Variants in ABLIM3 observed in about 807,000 individuals in gnomAD.
The protein encoded by ABLIM3 is actin-binding LIM protein 3.
In ABLIM3, 61 loss-of-function variants were observed where a neutral mutation model predicts 109.5. The observed-to-expected ratio is 0.56, with a 90% confidence interval of 0.45 to 0.69. ABLIM3 has a LOEUF of 0.69. ABLIM3 is among the 30% of genes least tolerant of loss of function. The pLI is 0.00. For missense variants in ABLIM3, 796 were observed against 889.5 expected, an observed-to-expected ratio of 0.89 and a Z score of 1.34; for synonymous variants, 300 against 324.8, an observed-to-expected ratio of 0.92 and a Z score of 0.82.
chr5:149,188,592 GTCT>G (rs1757194878), intron 3 of ABLIM3, among the ~76,000 whole-genome samples: 1 of 152,204 alleles, frequency 6.6e-6, no homozygotes, highest in African/African-American at 2.4e-5. Context: ...ATCTTGCTGC[GTCT>G]TCGCATGGCA....
At chr5:149,165,016 T>C (rs773548475) in intron 2 of ABLIM3, among the ~76,000 whole-genome samples, 48 of 152,220 alleles carry the variant, frequency 3.2e-4, no homozygotes, top group Non-Finnish European at 5.3e-4. Flanking sequence ...AGGCTTTTTG[T>C]TGGAGGACAC....
intron 3 of ABLIM3, among the ~76,000 whole-genome samples, chr5:149,187,914 T>C (rs1339836052): frequency 6.6e-6 from 1 of 152,258 alleles, no homozygotes; most frequent in Non-Finnish European, 1.5e-5. Flanking sequence ...AGGGGCCACG[T>C]GCCTCAGGGA....
chr5:149,172,656 G>A (rs928429980), intron 2 of ABLIM3, among the ~76,000 whole-genome samples: 1 of 152,178 alleles, frequency 6.6e-6, no homozygotes, highest in Non-Finnish European at 1.5e-5. Context: ...CCCACAGATA[G>A]GCCTCCTTGG....
chr5:149,235,309 T>C (rs894729044), intron 10 of ABLIM3, among the ~76,000 whole-genome samples: 1 of 152,262 alleles, frequency 6.6e-6, no homozygotes, highest in Non-Finnish European at 1.5e-5. Context: ...AATTTAGTTT[T>C]AATAGACATT....
At chr5:149,245,106 T>A (rs1753221307) in intron 16 of ABLIM3, 91 bp downstream of exon 16, 1 of 1,516,884 alleles carries the variant, frequency 6.6e-7, no homozygotes. Flanking sequence ...CTTTATACAA[T>A]CATTCTGAAT....
intron 23 of ABLIM3, among the ~76,000 whole-genome samples, chr5:149,256,310 C>A (rs1754422287): frequency 6.6e-6 from 1 of 152,210 alleles, no homozygotes; most frequent in Non-Finnish European, 1.5e-5. Flanking sequence ...CACCCTCCAA[C>A]AACAATAACA....
chr5:149,197,506 C>G (rs1008022097), intron 3 of ABLIM3, among the ~76,000 whole-genome samples: 2 of 152,072 alleles, frequency 1.3e-5, no homozygotes, highest in African/African-American at 2.4e-5. Context: ...GCATTTTTAG[C>G]TCTTTGAGAT....
At chr5:149,193,696 T>G (rs567172247) in intron 3 of ABLIM3, among the ~76,000 whole-genome samples, 67 of 152,324 alleles carry the variant, frequency 4.4e-4, no homozygotes, top group African/African-American at 1.5e-3. Context: ...TCCTACCAGA[T>G]ATCATCATTT....
intron 2 of ABLIM3, among the ~76,000 whole-genome samples, chr5:149,156,954 TTGAGATTCTAGTC>T (rs1302375979): frequency 3.3e-5 from 5 of 152,222 alleles, no homozygotes; most frequent in Admixed American, 6.5e-5. Flanking sequence ...TTTTGCAACT[TTGAGATTCTAGTC>T]TGAGATTCTA....
chr5:149,237,738 C>A, intron 11 of ABLIM3, 135 bp downstream of exon 11: 1 of 1,155,286 alleles, frequency 8.7e-7, no homozygotes, highest in Non-Finnish European at 1.2e-6. Context: ...GGATTTATGG[C>A]CAACGTTTTT....
intron 11 of ABLIM3, among the ~76,000 whole-genome samples, chr5:149,237,869 G>C (rs142756393): frequency 6.6e-6 from 1 of 152,160 alleles, no homozygotes; most frequent in African/African-American, 2.4e-5. Context: ...CAGGACATGA[G>C]CTTTCCATTC....
Position 149,198,463 on chromosome 5 carries a change from C to A in ABLIM3, c.335+61C>A. On this transcript the variant is annotated intron_variant, in intron 4 of 23. Transcript: ENST00000309868. The surrounding 1 kb of genome is among the most constrained non-coding windows in gnomAD (Gnocchi z 4.2). ...CATAAGCCCCCGGGGCAGGGGAAGA[C>A]CTGGCTTTTTCCAGGAAGTTCTGGG... 6.7e-7 allele frequency: 1 copy of A among 1,503,266 alleles called. No homozygotes were observed. The highest frequency in any genetic ancestry group is 1.4e-5 in the South Asian group (1 of 73,124). 93.1% of individuals were successfully genotyped at this position (1,503,266 alleles called of 1,614,324 possible).
chr5:149,185,755 A>G (rs1238527657), intron 3 of ABLIM3, among the ~76,000 whole-genome samples: 27 of 152,252 alleles, frequency 1.8e-4, no homozygotes, highest in Admixed American at 1.8e-3. Context: ...TCTCATCTAA[A>G]GAATCTAAAA....
chr5:149,244,403 C>A (rs146994646), intron 15 of ABLIM3: 2 of 170,252 alleles, frequency 1.2e-5, no homozygotes, highest in Non-Finnish European at 2.6e-5. Flanking sequence ...GCTATGTAGT[C>A]CCTGAGCAGA....
chr5:149,157,133 A>G (rs1561537448), intron 2 of ABLIM3, among the ~76,000 whole-genome samples: 1 of 152,228 alleles, frequency 6.6e-6, no homozygotes, highest in Non-Finnish European at 1.5e-5. Context: ...CTTCATAGTC[A>G]GCACACCTCA....
intron 5 of ABLIM3, among the ~76,000 whole-genome samples, chr5:149,206,480 TA>T (rs1758983236): frequency 6.6e-6 from 1 of 152,208 alleles, no homozygotes; most frequent in South Asian, 2.1e-4. Flanking sequence ...GGAATAGGTT[TA>T]ACCACAAAAT....
rs541217613 is a variant in ABLIM3, at chr5:149,154,313, G to A, written c.13+12205G>A. 2.2e-3 allele frequency among the ~76,000 whole-genome samples: 331 copies of A among 152,322 alleles called. 1 individual carries two copies. The highest frequency in any genetic ancestry group is 7.5e-3 in the African/African-American group (313 of 41,574). Reference sequence around the variant, plus strand: ...TTCACAGTCAGCATGAGTTGTTCTCGAAAGAGAGTTGCCTGTGATGTTAGC... The same window carrying A: ...TTCACAGTCAGCATGAGTTGTTCTCAAAAGAGAGTTGCCTGTGATGTTAGC... On this transcript the variant is annotated intron_variant, in intron 2 of 23. Coordinates refer to ENST00000309868, the MANE Select transcript of ABLIM3 (RefSeq NM_014945.5).
At chr5:149,184,159 A>G (rs899526949) in intron 3 of ABLIM3, among the ~76,000 whole-genome samples, 1 of 152,090 alleles carries the variant, frequency 6.6e-6, no homozygotes, top group Non-Finnish European at 1.5e-5. Context: ...GACTCAACCA[A>G]GCTAAGAGTT....
At chr5:149,156,769 G>C (rs1369490625) in intron 2 of ABLIM3, among the ~76,000 whole-genome samples, 1 of 152,210 alleles carries the variant, frequency 6.6e-6, no homozygotes, top group Non-Finnish European at 1.5e-5. Flanking sequence ...AACCTTTCCT[G>C]TAAAGGGATT....
Sources: gnomAD v4.1 joint callset for allele counts (sites outside exome capture counted in the v4.1 genomes callset) on GRCh38, gnomAD v4.1.1 for gene constraint, Gnocchi (gnomAD v3.1) non-coding constraint, MANE v1.5 for transcripts, NCBI Gene and HGNC (gene_info 2026-07-23, HGNC 2026-07-21) for gene names.